CYB5R4: variants seen among roughly 807,000 people sequenced by gnomAD.
The protein encoded by CYB5R4 is N-terminal cytochrome b5 and cytochrome b5 oxidoreductase domain-containing protein.
Under a neutral mutation model 70.2 loss-of-function variants are expected in CYB5R4, and 55 were observed. The ratio of observed to expected loss-of-function variants is 0.78; its 90% confidence interval spans 0.63 to 0.98. The LOEUF (loss-of-function observed/expected upper bound fraction) is 0.98. CYB5R4 is among the 50% of genes least tolerant of loss of function. The pLI is 0.00. For missense variants in CYB5R4, 562 were observed against 612.6 expected (o/e 0.92, Z 0.87); for synonymous variants, 197 against 199.5 (o/e 0.99, Z 0.11).
At chr6:83,883,402 A>G (rs1041357787) in intron 2 of CYB5R4, among the ~76,000 whole-genome samples, 2 of 152,158 alleles carry the variant, frequency 1.3e-5, no homozygotes, top group African/African-American at 4.8e-5. Context: ...CATAATTAAT[A>G]CAAAGAAAAT....
chr6:83,860,606 T>C (rs1045434866), intron 1 of CYB5R4, among the ~76,000 whole-genome samples: 11 of 152,204 alleles, frequency 7.2e-5, no homozygotes, highest in Non-Finnish European at 1.0e-4. Flanking sequence ...ATTTGTTAGT[T>C]CCTCATTCTG....
chr6:83,940,021 T>A, intron 12 of CYB5R4, 35 bp from the exon 13 acceptor site: 3 of 1,466,692 alleles, frequency 2.0e-6, no homozygotes, highest in Non-Finnish European at 1.8e-6. Flanking sequence ...TTTTGTTTTT[T>A]TTTTTTCTGA....
At position 83,909,042 on chromosome 6, in the gene CYB5R4, A is replaced by C. The variant is rs775134933; in HGVS notation, c.364A>C (p.Lys122Gln). ...TTGGGTCAATTATGAATCCATGCTGAAAGAATGCCTGGTTGGCAGAATGGC... is the reference window on the plus strand; with the variant it reads ...TTGGGTCAATTATGAATCCATGCTGCAAGAATGCCTGGTTGGCAGAATGGC... The part of the protein sequence containing the change: ...HRWVNYESML[K>Q]ECLVGRMAIK... Residue 122 changes from lysine (K) to glutamine (Q), a missense_variant, in exon 4 of 16, where the codon AAA (lysine) becomes CAA (glutamine). By Grantham distance (53) the Lys-to-Gln change is moderately conservative (BLOSUM62 1). Coordinates refer to ENST00000369681, the MANE Select transcript of CYB5R4 (RefSeq NM_016230.4). The C allele has an allele frequency of 8.7e-6, 14 of 1,614,006 alleles. No homozygotes were observed. In the South Asian group the frequency reaches 1.3e-4, roughly 15 times the overall value.
At chr6:83,959,404 A>C (rs536825115) in intron 15 of CYB5R4, among the ~76,000 whole-genome samples, 1 of 152,326 alleles carries the variant, frequency 6.6e-6, no homozygotes, top group East Asian at 1.9e-4. Flanking sequence ...GGAATACCAC[A>C]GGGATGTAGA....
chr6:83,914,589 G>A, intron 5 of CYB5R4, 141 bp downstream of exon 5: 2 of 680,454 alleles, frequency 2.9e-6, no homozygotes, highest in Non-Finnish European at 4.3e-6. Context: ...CCAGGCTGGA[G>A]TGCAGTGGCA....
rs751712018 is a variant in CYB5R4, at chr6:83,955,457, A to G, written c.1506A>G (p.Gly502=). 43 of 1,613,414 alleles carry G rather than the reference A, an allele frequency of 2.7e-5. No individual in the cohort carries two copies. Among genetic ancestry groups the G allele is most frequent in the Non-Finnish European group, 3.6e-5 (42 of 1,179,572 alleles). ...ICGPVPFTEQ[G]VRLLHDLNFS... is the part of the protein sequence containing the mutation. ...GACCAGTGCCATTTACAGAACAAGGAGTAAGGTGAGTAACAGTGTAGTAGG... is the reference window on the plus strand; with the variant it reads ...GACCAGTGCCATTTACAGAACAAGGGGTAAGGTGAGTAACAGTGTAGTAGG... Residue 502 remains glycine (G), a synonymous_variant, in exon 15 of 16, where the codon GGA becomes GGG. Coordinates refer to ENST00000369681, the MANE Select transcript of CYB5R4 (RefSeq NM_016230.4).
intron 2 of CYB5R4, among the ~76,000 whole-genome samples, chr6:83,873,769 C>G (rs1365279052): frequency 6.6e-6 from 1 of 152,118 alleles, no homozygotes; most frequent in Non-Finnish European, 1.5e-5. Context: ...AATTGACAAT[C>G]TGCTCGGGGA....
At chr6:83,941,413 T>C (rs2099469746) in intron 14 of CYB5R4, among the ~76,000 whole-genome samples, 1 of 152,216 alleles carries the variant, frequency 6.6e-6, no homozygotes, top group Non-Finnish European at 1.5e-5. Context: ...TTAAAAGCTA[T>C]TTCTAAGAAT....
At chr6:83,942,017 G>A (rs974556145) in intron 14 of CYB5R4, among the ~76,000 whole-genome samples, 2 of 152,146 alleles carry the variant, frequency 1.3e-5, no homozygotes, top group African/African-American at 4.8e-5. Flanking sequence ...GTGAGCTTTG[G>A]AGAAGATAAC....
At chr6:83,927,886 A>C (rs1429472432) in intron 10 of CYB5R4, among the ~76,000 whole-genome samples, 1 of 152,146 alleles carries the variant, frequency 6.6e-6, no homozygotes. Flanking sequence ...CCAGGCAGAC[A>C]GGTCCCATCT....
chr6:83,954,379 T>G (rs1401675347), intron 14 of CYB5R4, among the ~76,000 whole-genome samples: 3 of 152,186 alleles, frequency 2.0e-5, no homozygotes. Context: ...CTGTGATTTA[T>G]ACCAGCATAT....
intron 4 of CYB5R4, among the ~76,000 whole-genome samples, chr6:83,913,593 A>G (rs972069649): frequency 6.6e-6 from 1 of 152,180 alleles, no homozygotes; most frequent in Non-Finnish European, 1.5e-5. Flanking sequence ...AGTGAAGTGT[A>G]ATTAATTATG....
chr6:83,867,103 C>T (rs1186512465), intron 2 of CYB5R4, among the ~76,000 whole-genome samples: 1 of 152,138 alleles, frequency 6.6e-6, no homozygotes, highest in Non-Finnish European at 1.5e-5. Context: ...TTATTGTTAG[C>T]AGGCAGAGTG....
chr6:83,915,111 A>AT (rs2099465293), intron 5 of CYB5R4, among the ~76,000 whole-genome samples: 1 of 151,994 alleles, frequency 6.6e-6, no homozygotes, highest in Admixed American at 6.5e-5. Context: ...TTAATCTACA[A>AT]TTTTTTAAGC....
chr6:83,905,827 G>C (rs746849134), intron 3 of CYB5R4, among the ~76,000 whole-genome samples: 1 of 152,010 alleles, frequency 6.6e-6, no homozygotes, highest in Non-Finnish European at 1.5e-5. Flanking sequence ...GGTGGTACAC[G>C]CTTATGTTGG....
chr6:83,893,157 C>T (rs543523764), intron 2 of CYB5R4, among the ~76,000 whole-genome samples: 21 of 152,278 alleles, frequency 1.4e-4, no homozygotes, highest in African/African-American at 4.8e-4. Flanking sequence ...TGTAATGCAG[C>T]GCATTAAGTG....
intron 12 of CYB5R4, among the ~76,000 whole-genome samples, chr6:83,936,818 C>T (rs1020456582): frequency 6.6e-6 from 1 of 152,210 alleles, no homozygotes; most frequent in African/African-American, 2.4e-5. Flanking sequence ...GCATGACCTA[C>T]AAAGACTTTG....
Position 83,883,634 on chromosome 6 carries a change from C to A in CYB5R4, c.230-9888C>A, listed in dbSNP as rs891502803. 3.3e-5 allele frequency among the ~76,000 whole-genome samples: 5 copies of A among 152,082 alleles called. No homozygotes were observed. The South Asian group carries it at 1.0e-3, about 32-fold the overall frequency. On this transcript the variant is annotated intron_variant, in intron 2 of 15. Coordinates refer to ENST00000369681, the MANE Select transcript of CYB5R4 (RefSeq NM_016230.4). ...AACTGGAAATTTATTACCTGTAGATCTGCAATATAAGATAGATGCTAAAAG... is the reference window on the plus strand; with the variant it reads ...AACTGGAAATTTATTACCTGTAGATATGCAATATAAGATAGATGCTAAAAG...
Position 83,935,486 on chromosome 6 carries a change from T to C in CYB5R4, c.956-738T>C, listed in dbSNP as rs181908421. Among the ~76,000 whole-genome samples the C allele has an allele frequency of 2.6e-5, 4 of 152,298 alleles. No homozygotes were observed. The East Asian group carries it at 7.7e-4, about 29-fold the overall frequency. On this transcript the variant is annotated intron_variant, in intron 11 of 15. Transcript: ENST00000369681. ...CCTGGTTACCTAATTCAAGAGCTGG[T>C]ATCTTCTCCAGTTATTGCCAATGCA...
Sources: gnomAD v4.1 joint callset for allele counts (sites outside exome capture counted in the v4.1 genomes callset) on GRCh38, gnomAD v4.1.1 for gene constraint, MANE v1.5 for transcripts, NCBI Gene and HGNC (gene_info 2026-07-23, HGNC 2026-07-21) for gene names.